PSMB4: variants seen among roughly 807,000 people sequenced by gnomAD.
PSMB4 encodes the protein proteasome 20S subunit beta 4.
In PSMB4, 16 loss-of-function variants were observed where a neutral mutation model predicts 35.2. The ratio of observed to expected loss-of-function variants is 0.45; its 90% confidence interval spans 0.31 to 0.69. PSMB4 has a LOEUF of 0.69. PSMB4 is among the 30% of genes least tolerant of loss of function. The pLI, the probability that PSMB4 is intolerant of heterozygous loss-of-function variation, is 0.06. For missense variants in PSMB4, 333 were observed against 351.8 expected (o/e 0.95, Z 0.43); for synonymous variants, 144 against 134.1 (o/e 1.07, Z -0.51).
In PSMB4 at chr1:151,400,330, A is replaced by G. The variant is rs6697007; in HGVS notation, c.348-112A>G. On this transcript the variant is annotated intron_variant, in intron 2 of 6. Transcript: ENST00000290541. The stretch of plus-strand genomic sequence containing the variant: ...GAGGTGGGCGATCTGTGTTTGCAAT[A>G]AAGTTTTTGGCATTAGGTGTAAAAT... The G allele has an allele frequency of 1.2e-3, 1,786 of 1,478,740 alleles. 21 individuals are homozygous for G. In the African/African-American group the frequency reaches 0.021, roughly 18 times the overall value. The allele number at this position is 1,478,740 out of a possible 1,614,324, so 91.6% of individuals were successfully genotyped here.
At chr1:151,399,849 G>A (rs1447470961) in intron 1 of PSMB4, 122 bp downstream of exon 1, 13 of 1,565,436 alleles carry the variant, frequency 8.3e-6, no homozygotes, top group Middle Eastern at 2.3e-4. Context: ...CGGCAGGGGA[G>A]CTCAGGGCGC....
At chr1:151,400,933 G>A (rs1652799730) in intron 4 of PSMB4, 88 bp downstream of exon 4, 2 of 1,343,818 alleles carry the variant, frequency 1.5e-6, no homozygotes, top group South Asian at 2.3e-5. Flanking sequence ...ATTCTGATAT[G>A]AGGGATGGGC....
At chr1:151,399,892 A>C in intron 1 of PSMB4, 89 bp from the exon 2 acceptor site, 1 of 1,544,388 alleles carries the variant, frequency 6.5e-7, no homozygotes, top group Non-Finnish European at 8.9e-7. Flanking sequence ...AATTGGAAGG[A>C]ATTATAGAAA....
intron 6 of PSMB4, 41 bp downstream of exon 6, chr1:151,401,671 C>T: frequency 6.4e-7 from 1 of 1,555,314 alleles, no homozygotes; most frequent in Non-Finnish European, 8.9e-7. Context: ...CTTGGGAGGT[C>T]TTTGGCTTAC....
rs1229910486 is a variant in PSMB4, at chr1:151,400,106, G to A, written c.266G>A (p.Arg89Gln). The A allele has an allele frequency of 4.3e-6, 7 of 1,614,152 alleles. No homozygotes were observed. The highest frequency in any genetic ancestry group is 2.2e-5 in the South Asian group (2 of 91,082). ...ARFRNISRIM[R>Q]VNNSTMLGAS... is the part of the protein sequence containing the mutation. Reference sequence around the variant, plus strand: ...TTCCGCAACATCTCTCGCATTATGCGAGTCAACAACAGTACCATGCTGGGT... The same window carrying A: ...TTCCGCAACATCTCTCGCATTATGCAAGTCAACAACAGTACCATGCTGGGT... Residue 89 changes from arginine to glutamine, a missense_variant, in exon 2 of 7, where the codon CGA (arginine) becomes CAA (glutamine). By Grantham distance (43) the Arg-to-Gln change is conservative. Coordinates refer to ENST00000290541, the MANE Select transcript of PSMB4 (RefSeq NM_002796.3).
chr1:151,401,539 C>T lies in PSMB4; in HGVS notation c.694-3C>T. 10 of 1,607,514 alleles carry T rather than the reference C, an allele frequency of 6.2e-6. No individual in the cohort carries two copies. The highest frequency in any genetic ancestry group is 8.5e-6 in the Non-Finnish European group (10 of 1,173,948). ...CATTATTGAATGCTCTGCTTTCTTC[C>T]AGTTTCAAATCGCCACTGTCACCGA... On this transcript the variant is annotated splice_region_variant and splice_polypyrimidine_tract_variant and intron_variant, in intron 5 of 6. Coordinates refer to ENST00000290541, the MANE Select transcript of PSMB4 (RefSeq NM_002796.3).
chr1:151,399,973 C>T lies in PSMB4; in HGVS notation c.141-8C>T. On this transcript the variant is annotated splice_region_variant and splice_polypyrimidine_tract_variant and intron_variant, in intron 1 of 6. Coordinates refer to ENST00000290541, the MANE Select transcript of PSMB4 (RefSeq NM_002796.3). ...CCCCTCTCAGCTCCCACCGTTCTCA[C>T]TCTTTAGGAACCCCATGGTGACCGG... 6.2e-7 allele frequency: 1 copy of T among 1,613,350 alleles called. No individual in the cohort carries two copies. The highest frequency in any genetic ancestry group is 8.5e-7 in the Non-Finnish European group (1 of 1,179,748).
chr1:151,401,482 C>G, intron 5 of PSMB4, 60 bp from the exon 6 acceptor site: 1 of 1,529,834 alleles, frequency 6.5e-7, no homozygotes, highest in Non-Finnish European at 9.1e-7. Flanking sequence ...AGACCTCCAC[C>G]TGACCTTTCA....
rs557227842 is a variant in PSMB4, at chr1:151,399,583, C to G, written c.-5C>G. 1.8e-5 allele frequency: 29 copies of G among 1,606,230 alleles called. No homozygotes were observed. Among genetic ancestry groups the G allele is most frequent in the South Asian group, 1.5e-4 (14 of 90,358 alleles). On this transcript the variant is annotated 5_prime_UTR_variant, in exon 1 of 7. Transcript: ENST00000290541. ...GCTTTCATTTTTTCTGCTACCGTGA[C>G]TAAGATGGAAGCGTTTTTGGGGTCG...
intron 3 of PSMB4, 60 bp from the exon 4 acceptor site, chr1:151,400,704 C>T: frequency 1.2e-6 from 2 of 1,610,802 alleles, no homozygotes; most frequent in Middle Eastern, 1.7e-4. Context: ...CCCATGGTCC[C>T]CTTCTTCAGC....
chr1:151,399,942 C>A (rs1255248606), intron 1 of PSMB4, 39 bp from the exon 2 acceptor site: 2 of 1,575,860 alleles, frequency 1.3e-6, no homozygotes, highest in Admixed American at 1.7e-5. Flanking sequence ...AGGGCGCAGT[C>A]CATCCCCCCT....
In PSMB4 at chr1:151,399,615, G is replaced by C; in HGVS notation, c.28G>C (p.Gly10Arg). 2.5e-6 allele frequency: 4 copies of C among 1,613,706 alleles called. No individual in the cohort carries two copies. The highest frequency in any genetic ancestry group is 1.3e-5 in the African/African-American group (1 of 75,046). The change falls in exon 1 of 7, where the codon GGA becomes CGA. Residue 10 changes from glycine to arginine, a missense_variant. By Grantham distance (125) the Gly-to-Arg change is moderately radical. Transcript: ENST00000290541. MEAFLGSRS[G>R]LWAGGPAPGQ... ...GGAAGCGTTTTTGGGGTCGCGGTCC[G>C]GACTTTGGGCGGGGGGTCCGGCCCC...
intron 1 of PSMB4, 123 bp downstream of exon 1, chr1:151,399,850 C>T: frequency 9.6e-6 from 15 of 1,565,494 alleles, no homozygotes; most frequent in Admixed American, 1.7e-5. Flanking sequence ...GGCAGGGGAG[C>T]TCAGGGCGCG....
Position 151,401,325 on chromosome 1 carries a change from G to A in PSMB4, c.663G>A (p.Leu221=), listed in dbSNP as rs536032032. The change falls in exon 5 of 7, where the codon CTG becomes CTA. Residue 221 remains leucine, a synonymous_variant. Coordinates refer to ENST00000290541, the MANE Select transcript of PSMB4 (RefSeq NM_002796.3). ...TAGTAGAACGCTGCATGCGAGTGCT[G>A]TACTACCGAGATGCCCGTTCTTACA... ...RDLVERCMRV[L]YYRDARSYNR... The A allele has an allele frequency of 1.3e-5, 21 of 1,614,108 alleles. No homozygotes were observed. The South Asian group carries it at 2.1e-4, about 16-fold the overall frequency.
intron 4 of PSMB4, 137 bp from the exon 5 acceptor site, chr1:151,401,101 TC>T: frequency 1.2e-6 from 1 of 854,944 alleles, no homozygotes; most frequent in Non-Finnish European, 1.9e-6. Flanking sequence ...TAGCTTATTT[TC>T]TAAGCAGAGT....
chr1:151,401,700 G>T, intron 6 of PSMB4, 70 bp downstream of exon 6: 1 of 1,543,468 alleles, frequency 6.5e-7, no homozygotes, highest in Non-Finnish European at 9.0e-7. Flanking sequence ...GGGCTTTTCT[G>T]GGAGGCTCAC....
At chr1:151,401,475 C>A in intron 5 of PSMB4, 67 bp from the exon 6 acceptor site, 2 of 1,517,388 alleles carry the variant, frequency 1.3e-6, no homozygotes, top group Admixed American at 1.7e-5. Flanking sequence ...TTGGGGAAGA[C>A]CTCCACCTGA....
chr1:151,401,372 G>T lies in PSMB4; in HGVS notation c.693+17G>T. 1 of 1,612,252 alleles carries T rather than the reference G, an allele frequency of 6.2e-7. No individual in the cohort carries two copies. The highest frequency in any genetic ancestry group is 8.5e-7 in the Non-Finnish European group (1 of 1,178,386). On this transcript the variant is annotated intron_variant, in intron 5 of 6. Coordinates refer to ENST00000290541, the MANE Select transcript of PSMB4 (RefSeq NM_002796.3). Reference sequence around the variant, plus strand: ...TACAACCGGGTGAGGGATGTGCTGGGAACCTAATTGGCGGGCTCTGGCTAC... The same window carrying T: ...TACAACCGGGTGAGGGATGTGCTGGTAACCTAATTGGCGGGCTCTGGCTAC...
In PSMB4 at chr1:151,400,242, G is replaced by A. The variant is rs1652766811; in HGVS notation, c.347+55G>A. On this transcript the variant is annotated intron_variant, in intron 2 of 6. Transcript: ENST00000290541. Reference sequence around the variant, plus strand: ...TCCCAAGTAGAGAGGGGAGTCCCCTGTTTTTTATTCCCTTCGATGGGATGG... The same window carrying A: ...TCCCAAGTAGAGAGGGGAGTCCCCTATTTTTTATTCCCTTCGATGGGATGG... 16 of 1,575,368 alleles carry A rather than the reference G, an allele frequency of 1.0e-5. No individual in the cohort carries two copies. In the South Asian group the frequency reaches 1.7e-4, roughly 16 times the overall value.
Sources: gnomAD v4.1 joint callset for allele counts on GRCh38, gnomAD v4.1.1 for gene constraint, MANE v1.5 for transcripts, NCBI Gene and HGNC (gene_info 2026-07-23, HGNC 2026-07-21) for gene names.